Variants in PCSK5 observed in about 807,000 individuals in gnomAD.
The protein encoded by PCSK5 is proprotein convertase subtilisin/kexin type 5, also known as prohormone convertase 5.
A neutral mutation model predicts 233.2 loss-of-function variants in PCSK5; 129 were observed. The ratio of observed to expected loss-of-function variants is 0.55; its 90% CI spans 0.48 to 0.64. The LOEUF is 0.64. Among genes scored for constraint, PCSK5 ranks in the 30% least tolerant of loss-of-function variants. The probability of loss-of-function intolerance (pLI) is 0.00; values close to 1 mark genes in which losing one functional copy is unlikely to be tolerated. For synonymous variants in PCSK5, 825 were observed against 879.2 expected, an observed-to-expected ratio of 0.94 and a Z score of 1.09; for missense variants, 2,076 against 2,430.1, an observed-to-expected ratio of 0.85 and a Z score of 3.06.
At chr9:76,004,125 A>G (rs1374795671) in intron 3 of PCSK5, among the ~76,000 whole-genome samples, 2 of 152,108 alleles carry the variant, frequency 1.3e-5, no homozygotes, top group African/African-American at 2.4e-5. Flanking sequence ...CTATTAATCT[A>G]GAAGAGCTCC....
chr9:76,287,649 C>A (rs765776390), intron 24 of PCSK5: 1 of 152,110 alleles, frequency 6.6e-6, no homozygotes, highest in South Asian at 2.1e-4. Flanking sequence ...TTAGTAGAGA[C>A]GGGGTTTCAT....
At chr9:76,017,750 ATG>A (rs144948031) in intron 3 of PCSK5, among the ~76,000 whole-genome samples, 2 of 151,522 alleles carry the variant, frequency 1.3e-5, no homozygotes, top group African/African-American at 4.8e-5. Context: ...GTGTGTGTGT[ATG>A]TGTGTGTGTG....
At chr9:75,928,452 G>A (rs980767362) in intron 1 of PCSK5, among the ~76,000 whole-genome samples, 12 of 151,556 alleles carry the variant, frequency 7.9e-5, no homozygotes, top group Non-Finnish European at 1.3e-4. Context: ...CTTCCAACAT[G>A]TTGTGACATT....
chr9:76,260,022 A>G (rs759767147), intron 24 of PCSK5, among the ~76,000 whole-genome samples: 1 of 152,070 alleles, frequency 6.6e-6, no homozygotes, highest in Non-Finnish European at 1.5e-5. Flanking sequence ...GGTGTATTTG[A>G]TTTTTCATAA....
intron 28 of PCSK5, among the ~76,000 whole-genome samples, chr9:76,308,359 A>G (rs1323769410): frequency 6.6e-6 from 1 of 152,274 alleles, no homozygotes; most frequent in Non-Finnish European, 1.5e-5. Context: ...ATATCCCCAC[A>G]GTATTTGAGG....
chr9:76,000,075 G>GAAAC (rs558675718), intron 3 of PCSK5, among the ~76,000 whole-genome samples: 2 of 152,114 alleles, frequency 1.3e-5, no homozygotes, highest in African/African-American at 4.8e-5. Flanking sequence ...AGATTTACAA[G>GAAAC]AAACAAACAA....
Position 76,358,881 on chromosome 9 carries a change from G to T in PCSK5, c.5623G>T (p.Glu1875Ter). 2 of 1,612,812 alleles carry T rather than the reference G, an allele frequency of 1.2e-6. No individual in the cohort carries two copies. The highest frequency in any genetic ancestry group is 1.7e-6 in the Non-Finnish European group (2 of 1,179,884). ...GCTGCTGGATGACGATGACATAGAT[G>T]AGCTGGAATATGATGACGAGAGTTA... ...YGLLDDDDID[E>*]LEYDDESYSY... is the part of the protein sequence containing the mutation. The change falls in exon 38 of 38, where the codon GAG (glutamate) becomes TAG (stop). Residue 1875 changes from glutamate to a stop codon, truncating the protein, a stop_gained. Coordinates refer to ENST00000674117, the MANE Select transcript of PCSK5 (RefSeq NM_001372043.1). LOFTEE classifies it high-confidence loss of function.
intron 3 of PCSK5, among the ~76,000 whole-genome samples, chr9:76,002,019 A>G (rs1221877664): frequency 6.6e-6 from 1 of 152,222 alleles, no homozygotes; most frequent in Non-Finnish European, 1.5e-5. Context: ...CAGAAGGGAA[A>G]ATGAAGGAAA....
intron 9 of PCSK5, among the ~76,000 whole-genome samples, chr9:76,113,824 C>T (rs1292884905): frequency 6.6e-6 from 1 of 151,964 alleles, no homozygotes; most frequent in Non-Finnish European, 1.5e-5. Flanking sequence ...TAAAAATTTT[C>T]CCGAGGGCCA....
chr9:75,961,024 A>G (rs1305482671), intron 2 of PCSK5, among the ~76,000 whole-genome samples: 2 of 152,252 alleles, frequency 1.3e-5, no homozygotes, highest in Non-Finnish European at 2.9e-5. Flanking sequence ...GAGGAATGGC[A>G]TCAAGTAACA....
chr9:76,244,538 A>G (rs922759086), intron 24 of PCSK5, among the ~76,000 whole-genome samples: 2 of 150,180 alleles, frequency 1.3e-5, no homozygotes, highest in African/African-American at 4.9e-5. Flanking sequence ...ACATTATGTA[A>G]TAATTAGCTG....
intron 24 of PCSK5, among the ~76,000 whole-genome samples, chr9:76,277,570 G>A (rs1439812725): frequency 6.6e-6 from 1 of 152,208 alleles, no homozygotes; most frequent in African/African-American, 2.4e-5. Flanking sequence ...CCTCCAGGGA[G>A]TTGTGCCCCA....
At chr9:76,021,173 T>A (rs1828168699) in intron 3 of PCSK5, among the ~76,000 whole-genome samples, 1 of 152,142 alleles carries the variant, frequency 6.6e-6, no homozygotes, top group African/African-American at 2.4e-5. Context: ...TAGCCAATAT[T>A]TTTGAAATCC....
intron 2 of PCSK5, among the ~76,000 whole-genome samples, chr9:75,950,554 A>T (rs1240498676): frequency 1.3e-5 from 2 of 152,202 alleles, no homozygotes; most frequent in East Asian, 3.9e-4. Flanking sequence ...TAAAGAAAAG[A>T]ATTTTCAACC....
intron 21 of PCSK5, among the ~76,000 whole-genome samples, chr9:76,232,075 C>T (rs929061104): frequency 8.5e-5 from 13 of 152,116 alleles, no homozygotes; most frequent in African/African-American, 2.9e-4. Context: ...TTGTCCCACC[C>T]AACCTTCTTC....
chr9:76,338,504 C>T, intron 35 of PCSK5, 57 bp downstream of exon 35: 1 of 1,251,816 alleles, frequency 8.0e-7, no homozygotes, highest in South Asian at 1.3e-5. Context: ...AGGTTTTCTT[C>T]CTTATTTGCC....
intron 2 of PCSK5, among the ~76,000 whole-genome samples, chr9:75,945,594 T>A (rs1824528663): frequency 8.0e-6 from 1 of 125,388 alleles, no homozygotes. Flanking sequence ...ACTTCCAGAG[T>A]TCAAAAGAGA....
intron 1 of PCSK5, 55 bp downstream of exon 1, chr9:75,891,428 T>G: frequency 7.4e-7 from 1 of 1,344,974 alleles, no homozygotes; most frequent in Non-Finnish European, 1.0e-6. Context: ...GGGGGCTTCT[T>G]GTCCCCTCTG....
chr9:75,932,550 A>G (rs1158444461), intron 2 of PCSK5, 67 bp downstream of exon 2: 1 of 914,826 alleles, frequency 1.1e-6, no homozygotes, highest in Non-Finnish European at 1.8e-6. Flanking sequence ...GTAATAACAC[A>G]CTAGGGGCTG....
Sources: gnomAD v4.1 joint callset for allele counts (sites outside exome capture counted in the v4.1 genomes callset) on GRCh38, gnomAD v4.1.1 for gene constraint, MANE v1.5 for transcripts, NCBI Gene and HGNC (gene_info 2026-07-23, HGNC 2026-07-21) for gene names.